The following KCND2 variants were observed in gnomAD, a reference collection of about 807,000 sequenced individuals.
KCND2 encodes A-type voltage-gated potassium channel KCND2.
In KCND2, 16 loss-of-function variants were observed where a neutral mutation model predicts 54.4. The observed-to-expected ratio is 0.29, with a 90% CI of 0.20 to 0.45. The LOEUF is 0.45. KCND2 is among the 20% of genes least tolerant of loss of function. The pLI, the probability that KCND2 is intolerant of heterozygous loss-of-function variation, is 1.00. For synonymous variants in KCND2, 317 were observed against 310.7 expected, an observed-to-expected ratio of 1.02 and a Z score of -0.21; for missense variants, 486 against 824.2, an observed-to-expected ratio of 0.59 and a Z score of 5.02.
At chr7:120,287,044 A>G (rs1799355969) in intron 1 of KCND2, among the ~76,000 whole-genome samples, 1 of 152,098 alleles carries the variant, frequency 6.6e-6, no homozygotes, top group African/African-American at 2.4e-5. Context: ...ATCTTATTTC[A>G]TGAAGAGTTT....
At chr7:120,467,595 A>G (rs1023068011) in intron 1 of KCND2, among the ~76,000 whole-genome samples, 2 of 152,144 alleles carry the variant, frequency 1.3e-5, no homozygotes, top group African/African-American at 2.4e-5. Flanking sequence ...ATTTCATGCA[A>G]TATGGTATCA....
intron 2 of KCND2, among the ~76,000 whole-genome samples, chr7:120,736,970 C>T (rs571727117): frequency 6.8e-6 from 1 of 146,752 alleles, no homozygotes; most frequent in South Asian, 2.2e-4. Context: ...ATGTAGTCTG[C>T]CATTTATCAC....
Position 120,384,998 on chromosome 7 carries a change from C to CTTTTTTTTTTTTTTTTTTTTTTTTTTT in KCND2, c.1115+109275_1115+109276insTTTTTTTTTTTTTTTTTTTTTTTTTTT, listed in dbSNP as rs372225817. ...TGTAAACAAAGGCATTTGTATATAA[C>CTTTTTTTTTTTTTTTTTTTTTTTTTTT]TTTTTTTTTTTTTTTTTTTTTTTTC... is the stretch of plus-strand genomic sequence containing the variant. On this transcript the variant is annotated intron_variant, in intron 1 of 5. Transcript: ENST00000331113. 4.8e-5 allele frequency among the ~76,000 whole-genome samples: 4 copies of CTTTTTTTTTTTTTTTTTTTTTTTTTTT among 82,512 alleles called. 1 individual carries two copies. Among genetic ancestry groups the CTTTTTTTTTTTTTTTTTTTTTTTTTTT allele is most frequent in the Admixed American group, 2.0e-4 (1 of 4,888 alleles). 54.1% of individuals were successfully genotyped at this position (82,512 alleles called of 152,430 possible). A position where few individuals can be genotyped will look rare whatever the true frequency, so the allele number is the denominator to read the frequency against.
intron 1 of KCND2, among the ~76,000 whole-genome samples, chr7:120,620,074 C>T (rs1793079189): frequency 6.6e-6 from 1 of 151,862 alleles, no homozygotes. Context: ...TTTATAATAC[C>T]TCAAATGATG....
intron 1 of KCND2, among the ~76,000 whole-genome samples, chr7:120,696,851 A>G (rs1792338390): frequency 1.3e-5 from 2 of 152,224 alleles, no homozygotes; most frequent in African/African-American, 4.8e-5. Context: ...ATAAACCTCT[A>G]TAGTTTATAA....
At chr7:120,733,099 C>T (rs760849476) in intron 2 of KCND2, 34 bp downstream of exon 2, 6 of 1,607,790 alleles carry the variant, frequency 3.7e-6, no homozygotes, top group Non-Finnish European at 3.4e-6. Context: ...CATGGTTTAG[C>T]ACTTCCCACT....
At chr7:120,280,353 A>G (rs1389157580) in intron 1 of KCND2, among the ~76,000 whole-genome samples, 1 of 152,086 alleles carries the variant, frequency 6.6e-6, no homozygotes, top group Non-Finnish European at 1.5e-5. Flanking sequence ...ATGTTAATCC[A>G]GCCTGTAGTA....
At chr7:120,615,112 A>G (rs1487032158) in intron 1 of KCND2, among the ~76,000 whole-genome samples, 1 of 152,188 alleles carries the variant, frequency 6.6e-6, no homozygotes. Flanking sequence ...ACTACATACC[A>G]TCAGTAACAA....
chr7:120,279,215 C>T (rs1305613153), intron 1 of KCND2, among the ~76,000 whole-genome samples: 2 of 152,092 alleles, frequency 1.3e-5, no homozygotes, highest in East Asian at 3.9e-4. Flanking sequence ...TTTACTATTG[C>T]ACCTCATACA....
chr7:120,529,924 T>C (rs902472838), intron 1 of KCND2, among the ~76,000 whole-genome samples: 1 of 151,880 alleles, frequency 6.6e-6, no homozygotes, highest in African/African-American at 2.4e-5. Flanking sequence ...TCTAAAAAAA[T>C]TTAAAAATTA....
At chr7:120,420,273 C>A (rs1332857180) in intron 1 of KCND2, among the ~76,000 whole-genome samples, 3 of 152,136 alleles carry the variant, frequency 2.0e-5, no homozygotes, top group Non-Finnish European at 2.9e-5. Context: ...CTAATTTTTA[C>A]ATCTACTCAG....
intron 1 of KCND2, among the ~76,000 whole-genome samples, chr7:120,590,108 G>A (rs1239820539): frequency 1.3e-5 from 2 of 152,198 alleles, no homozygotes; most frequent in East Asian, 1.9e-4. Context: ...TGCAACCTCC[G>A]TTTCCCAGGT....
intron 1 of KCND2, among the ~76,000 whole-genome samples, chr7:120,358,299 T>C (rs1053545723): frequency 6.6e-6 from 1 of 152,124 alleles, no homozygotes; most frequent in African/African-American, 2.4e-5. Context: ...GTTAGAATTA[T>C]TTTTCTCTCT....
intron 1 of KCND2, among the ~76,000 whole-genome samples, chr7:120,495,568 T>C (rs1258485536): frequency 1.3e-5 from 2 of 152,048 alleles, no homozygotes; most frequent in Non-Finnish European, 2.9e-5. Flanking sequence ...CTTTTCCCCA[T>C]CCCCTGGAAG....
At chr7:120,276,737 G>A (rs1227330879) in intron 1 of KCND2, among the ~76,000 whole-genome samples, 2 of 152,058 alleles carry the variant, frequency 1.3e-5, no homozygotes, top group Non-Finnish European at 2.9e-5. Context: ...GTAGAGAAAA[G>A]GAAAGGAGGC....
At chr7:120,662,262 A>G (rs1226255449) in intron 1 of KCND2, among the ~76,000 whole-genome samples, 1 of 152,204 alleles carries the variant, frequency 6.6e-6, no homozygotes, top group Admixed American at 6.5e-5. Flanking sequence ...AAATGTGGCC[A>G]TACATTTTTA....
At position 120,643,131 on chromosome 7, in the gene KCND2, CAGAATA is replaced by C. The variant is rs1793398439; in HGVS notation, c.1116-89769_1116-89764del. 7.9e-5 allele frequency among the ~76,000 whole-genome samples: 12 copies of C among 152,258 alleles called. No homozygotes were observed. In the South Asian group the frequency reaches 2.5e-3, roughly 32 times the overall value. ...GATCAGTACATACTGATATCTTTTACAGAATAAGGTGCTATTTTTCTAATGCCATTT... is the reference window on the plus strand; with the variant it reads ...GATCAGTACATACTGATATCTTTTACAGGTGCTATTTTTCTAATGCCATTT... On this transcript the variant is annotated intron_variant, in intron 1 of 5. Coordinates refer to ENST00000331113, the MANE Select transcript of KCND2 (RefSeq NM_012281.3).
intron 1 of KCND2, among the ~76,000 whole-genome samples, chr7:120,340,987 G>C (rs571686405): frequency 6.6e-6 from 1 of 152,186 alleles, no homozygotes; most frequent in Non-Finnish European, 1.5e-5. Flanking sequence ...ATTCCAATGT[G>C]TAGTTTTAAA....
intron 1 of KCND2, among the ~76,000 whole-genome samples, chr7:120,496,676 G>A (rs940346264): frequency 1.3e-4 from 20 of 151,912 alleles, no homozygotes; most frequent in Non-Finnish European, 2.4e-4. Flanking sequence ...CACCTGCCTC[G>A]GCCTCCCAAA....
Sources: gnomAD v4.1 joint callset for allele counts (sites outside exome capture counted in the v4.1 genomes callset) on GRCh38, gnomAD v4.1.1 for gene constraint, MANE v1.5 for transcripts, NCBI Gene and HGNC (gene_info 2026-07-23, HGNC 2026-07-21) for gene names.